CTNND2: variants seen among roughly 807,000 people sequenced by gnomAD.
The protein encoded by CTNND2 is catenin delta-2.
A neutral mutation model predicts 144.4 loss-of-function variants in CTNND2; 22 were observed. The ratio of observed to expected loss-of-function variants is 0.15; its 90% confidence interval spans 0.11 to 0.22. The LOEUF is 0.22. CTNND2 is among the 10% of genes least tolerant of loss of function. The pLI, the probability that CTNND2 is intolerant of heterozygous loss-of-function variation, is 1.00. For missense variants in CTNND2, 1,353 were observed against 1,618.8 expected, an observed-to-expected ratio of 0.84 and a Z score of 2.82; for synonymous variants, 751 against 695.6, an observed-to-expected ratio of 1.08 and a Z score of -1.25.
At chr5:11,891,044 C>T (rs548026533) in intron 1 of CTNND2, among the ~76,000 whole-genome samples, 2 of 152,266 alleles carry the variant, frequency 1.3e-5, no homozygotes, top group Admixed American at 1.3e-4. Flanking sequence ...CCCTGGTGAG[C>T]AATGAGACAG....
chr5:11,584,213 G>T (rs530476859), intron 2 of CTNND2, among the ~76,000 whole-genome samples: 1 of 152,130 alleles, frequency 6.6e-6, no homozygotes, highest in Non-Finnish European at 1.5e-5. Flanking sequence ...TGACTAATGC[G>T]AAAGCTATGC....
At chr5:11,519,644 A>T (rs936199705) in intron 3 of CTNND2, among the ~76,000 whole-genome samples, 3 of 151,464 alleles carry the variant, frequency 2.0e-5, no homozygotes, top group African/African-American at 4.9e-5. Context: ...TTATTTCCTT[A>T]TTTATTGGTT....
intron 8 of CTNND2, among the ~76,000 whole-genome samples, chr5:11,347,334 A>C (rs936017483): frequency 5.9e-5 from 9 of 152,340 alleles, no homozygotes; most frequent in African/African-American, 2.2e-4. Context: ...CAAAATAAGG[A>C]GCTGACTTAG....
At position 11,375,797 on chromosome 5, in the gene CTNND2, C is replaced by G. The variant is rs188472086; in HGVS notation, c.1177+8868G>C. On this transcript the variant is annotated intron_variant, in intron 7 of 21. Transcript: ENST00000304623. ...AGTACAGAAAGTCAATTTGTTTTGA[C>G]TACATACAATAAATACTACATATCT... 3.1e-4 allele frequency among the ~76,000 whole-genome samples: 47 copies of G among 152,224 alleles called. No individual in the cohort carries two copies. The East Asian group carries it at 6.4e-3, about 21-fold the overall frequency.
intron 3 of CTNND2, among the ~76,000 whole-genome samples, chr5:11,449,523 C>CA (rs1489482144): frequency 6.6e-6 from 1 of 152,180 alleles, no homozygotes; most frequent in African/African-American, 2.4e-5. Context: ...TAAACACTGG[C>CA]AGCCATCTGA....
At chr5:11,031,471 T>A (rs2149551873) in intron 16 of CTNND2, among the ~76,000 whole-genome samples, 1 of 152,170 alleles carries the variant, frequency 6.6e-6, no homozygotes, top group East Asian at 1.9e-4. Flanking sequence ...GTCCAAGCCT[T>A]CTGAAATTTT....
intron 3 of CTNND2, among the ~76,000 whole-genome samples, chr5:11,462,438 A>G (rs1458441838): frequency 2.0e-5 from 3 of 152,056 alleles, no homozygotes; most frequent in African/African-American, 7.2e-5. Flanking sequence ...TGGTCTCTTC[A>G]GCCTCCCTGC....
chr5:11,376,635 C>G lies in CTNND2; in HGVS notation c.1177+8030G>C, dbSNP rs578126898. 1.1e-4 allele frequency among the ~76,000 whole-genome samples: 16 copies of G among 152,278 alleles called. No homozygotes were observed. In the South Asian group the frequency reaches 3.3e-3, roughly 32 times the overall value. ...GGGGTTGGGGGAGCAGTCCCAACTTCCTCATCACTCCATACGCTTGTACTA... is the reference window on the plus strand; with the variant it reads ...GGGGTTGGGGGAGCAGTCCCAACTTGCTCATCACTCCATACGCTTGTACTA... On this transcript the variant is annotated intron_variant, in intron 7 of 21. Transcript: ENST00000304623.
At chr5:11,605,422 T>C (rs757651465) in intron 2 of CTNND2, among the ~76,000 whole-genome samples, 3 of 152,160 alleles carry the variant, frequency 2.0e-5, no homozygotes, top group Non-Finnish European at 2.9e-5. Flanking sequence ...GTAAGTCCTA[T>C]AAAGAAAGTC....
chr5:11,385,116 G>T lies in CTNND2; in HGVS notation c.726C>A (p.Asp242Glu), dbSNP rs61749843. The change falls in exon 7 of 22, where the codon GAC becomes GAA. Residue 242 changes from aspartate (D) to glutamate (E), a missense_variant. Around this residue, in one of 4 missense-constraint regions of CTNND2, gnomAD observed 708 missense variants for 706.4 expected, o/e 1.00. Coordinates refer to ENST00000304623, the MANE Select transcript of CTNND2 (RefSeq NM_001332.4). ...PSLGSAFHLPDAPPAAAAAAL... is the reference protein window; with the variant it reads ...PSLGSAFHLPEAPPAAAAAAL... Reference sequence around the variant, plus strand: ...CGGCGGCGGCGGCGGCGGGCGGCGCGTCGGGCAGGTGGAAGGCGCTGCCCA... The same window carrying T: ...CGGCGGCGGCGGCGGCGGGCGGCGCTTCGGGCAGGTGGAAGGCGCTGCCCA... 5.6e-5 allele frequency: 57 copies of T among 1,025,430 alleles called. No homozygotes were observed. The highest frequency in any genetic ancestry group is 6.5e-5 in the Non-Finnish European group (56 of 858,226). 63.5% of individuals were successfully genotyped at this position (1,025,430 alleles called of 1,614,324 possible).
intron 9 of CTNND2, among the ~76,000 whole-genome samples, chr5:11,307,304 AGTGTGTGT>A (rs3033112): frequency 0.072 from 10,533 of 146,242 alleles, 480 homozygotes; most frequent in African/African-American, 0.13. Context: ...AAGGTAGAGT[AGTGTGTGT>A]GTGTGTGTGT....
intron 2 of CTNND2, among the ~76,000 whole-genome samples, chr5:11,664,387 T>C (rs1783443265): frequency 6.6e-6 from 1 of 152,084 alleles, no homozygotes; most frequent in Non-Finnish European, 1.5e-5. Context: ...GGTCAGGAGA[T>C]TGAGACCATC....
At chr5:11,097,122 A>G (rs901392695) in intron 15 of CTNND2, among the ~76,000 whole-genome samples, 1 of 152,180 alleles carries the variant, frequency 6.6e-6, no homozygotes, top group African/African-American at 2.4e-5. Flanking sequence ...AGACACAGTG[A>G]TATGCTGTAG....
At chr5:11,283,673 C>CAA (rs70947250) in intron 9 of CTNND2, among the ~76,000 whole-genome samples, 726 of 31,722 alleles carry the variant, frequency 0.023, 59 homozygotes, top group Non-Finnish European at 0.029. Context: ...GACTCCGTCT[C>CAA]AAAAAAAAAA....
At chr5:11,752,355 G>A (rs1487269368) in intron 1 of CTNND2, among the ~76,000 whole-genome samples, 1 of 150,428 alleles carries the variant, frequency 6.6e-6, no homozygotes, top group Non-Finnish European at 1.5e-5. Flanking sequence ...GTCTTGAGTT[G>A]ATTTATGTAA....
chr5:11,389,824 C>T (rs912979255), intron 6 of CTNND2, among the ~76,000 whole-genome samples: 6 of 147,450 alleles, frequency 4.1e-5, no homozygotes, highest in Non-Finnish European at 7.6e-5. Flanking sequence ...GAAAATTCTA[C>T]ACCTGACACC....
chr5:11,887,732 T>C (rs1222268119), intron 1 of CTNND2, among the ~76,000 whole-genome samples: 2 of 152,260 alleles, frequency 1.3e-5, no homozygotes, highest in Non-Finnish European at 1.5e-5. Context: ...CCATCCAAAA[T>C]GCCACACCAC....
intron 11 of CTNND2, among the ~76,000 whole-genome samples, chr5:11,180,559 G>A (rs1174842086): frequency 1.3e-5 from 2 of 152,144 alleles, no homozygotes; most frequent in Non-Finnish European, 2.9e-5. Context: ...ACATATTGTA[G>A]AGTCTCAGCA....
chr5:11,754,090 T>C (rs536843972), intron 1 of CTNND2, among the ~76,000 whole-genome samples: 3 of 151,730 alleles, frequency 2.0e-5, no homozygotes, highest in East Asian at 3.9e-4. Flanking sequence ...TAGCTAGTGG[T>C]ATATCAATCT....
Sources: gnomAD v4.1 joint callset for allele counts (sites outside exome capture counted in the v4.1 genomes callset) on GRCh38, gnomAD v4.1.1 for gene constraint, gnomAD v4.1.1 regional missense constraint, MANE v1.5 for transcripts, NCBI Gene and HGNC (gene_info 2026-07-23, HGNC 2026-07-21) for gene names.